The following ASB14 variants were observed in gnomAD, a reference collection of about 807,000 sequenced individuals.
ASB14 encodes ankyrin repeat and SOCS box protein 14.
A neutral mutation model predicts 55.6 loss-of-function variants in ASB14; 63 were observed. That is an observed-to-expected ratio of 1.13 (90% CI 0.92 to 1.40). The LOEUF (loss-of-function observed/expected upper bound fraction) is 1.40. ASB14 is among the 40% of genes most tolerant of loss of function. ASB14 has a pLI of 0.00. For missense variants in ASB14, 724 were observed against 710.4 expected (o/e 1.02, Z -0.22); for synonymous variants, 256 against 259.9 (o/e 0.98, Z 0.15).
At chr3:57,283,043 T>TA in intron 6 of ASB14, 151 bp downstream of exon 6, 6 of 1,132,860 alleles carry the variant, frequency 5.3e-6, no homozygotes, top group Non-Finnish European at 7.3e-6. Context: ...ATGTTAGGCT[T>TA]CTCAGTAATC....
intron 10 of ASB14, chr3:57,272,975 C>A (rs1393927386): frequency 6.6e-6 from 1 of 152,568 alleles, no homozygotes; most frequent in Non-Finnish European, 1.5e-5. Flanking sequence ...TTAAACACAC[C>A]AATTGTAGAA....
intron 3 of ASB14, 106 bp downstream of exon 3, chr3:57,288,962 C>T: frequency 1.2e-6 from 1 of 820,848 alleles, no homozygotes; most frequent in Non-Finnish European, 1.9e-6. Flanking sequence ...AGGCGATCCA[C>T]CCACCTTGGC....
In ASB14 at chr3:57,288,229, T is replaced by C. The variant is rs1474752339; in HGVS notation, c.236A>G (p.Asp79Gly). 2.0e-6 allele frequency: 3 copies of C among 1,536,960 alleles called. No homozygotes were observed. In the East Asian group the frequency reaches 7.3e-5, roughly 38 times the overall value. The change falls in exon 4 of 11, where the codon GAT becomes GGT. Residue 79 changes from aspartate to glycine, a missense_variant. Physicochemically the swap from Asp to Gly is moderately conservative, Grantham distance 94. Coordinates refer to ENST00000487349, the MANE Select transcript of ASB14 (RefSeq NM_001142733.3). ...ATGCAGAGGAATCCAGCCTATCTCA[T>C]CTGCTTCACCAAATGCGGAATGGTA... ...TKYHSAFGEA[D>G]EIGWIPLHKA...
Position 57,268,500 on chromosome 3 carries a change from A to G in ASB14, c.*1141T>C, listed in dbSNP as rs200168280. On this transcript the variant is annotated 3_prime_UTR_variant, in exon 11 of 11. Coordinates refer to ENST00000487349, the MANE Select transcript of ASB14 (RefSeq NM_001142733.3). ...ACAGATTGAAAAGGTATACAGTCCT[A>G]ATGTCTGGATCTTTATGTGTTGTTT... 1.5e-5 allele frequency: 23 copies of G among 1,580,372 alleles called. No homozygotes were observed. In the South Asian group the frequency reaches 2.7e-4, roughly 19 times the overall value.
Position 57,283,352 on chromosome 3 carries a change from G to A in ASB14, c.557C>T (p.Ala186Val). 1.9e-6 allele frequency: 3 copies of A among 1,551,756 alleles called. No individual in the cohort carries two copies. Among genetic ancestry groups the A allele is most frequent in the Non-Finnish European group, 1.7e-6 (2 of 1,146,980 alleles). ...GCCCAGTTTGGCTGCTTCGTGGAGA[G>A]CTGTCCTCTCGTTGGCACAACGCAG... ...VNLRCANERT[A>V]LHEAAKLGRE... The change falls in exon 6 of 11, where the codon GCT becomes GTT. Residue 186 changes from alanine (A) to valine (V), a missense_variant. Physicochemically the swap from Ala to Val is moderately conservative, Grantham distance 64 (BLOSUM62 0). Transcript: ENST00000487349.
rs766927954 is a variant in ASB14, at chr3:57,278,680, C to T, written c.1128G>A (p.Leu376=). 6.2e-7 allele frequency: 1 copy of T among 1,614,056 alleles called. No homozygotes were observed. Among genetic ancestry groups the T allele is most frequent in the African/African-American group, 1.3e-5 (1 of 74,930 alleles). The change falls in exon 8 of 11, where the codon CTG becomes CTA. Residue 376 remains leucine, a synonymous_variant. Coordinates refer to ENST00000487349, the MANE Select transcript of ASB14 (RefSeq NM_001142733.3). ...CTTGATTAGGCAGAGCTCCAGCACT[C>T]AGAAGCAGCTTGACTGAAGAGAGGT... is the stretch of plus-strand genomic sequence containing the variant. The part of the protein sequence containing the change: ...NSDLSSVKLL[L]SAGALPNQDP...
Position 57,289,142 on chromosome 3 carries a change from A to T in ASB14, c.123-19T>A. On this transcript the variant is annotated intron_variant, in intron 2 of 10. Coordinates refer to ENST00000487349, the MANE Select transcript of ASB14 (RefSeq NM_001142733.3). ...ATGCAAACTGCAAAGAAAAAAATAC[A>T]TATGTAATTCCAAAACTGAGGAGAA... 1 of 1,486,008 alleles carries T rather than the reference A, an allele frequency of 6.7e-7. No homozygotes were observed. The highest frequency in any genetic ancestry group is 9.1e-7 in the Non-Finnish European group (1 of 1,100,654). The allele number at this position is 1,486,008 out of a possible 1,614,324, so 92.1% of individuals were successfully genotyped here.
chr3:57,288,379 A>G (rs532923128), intron 3 of ASB14, 93 bp from the exon 4 acceptor site: 14 of 1,306,504 alleles, frequency 1.1e-5, no homozygotes, highest in East Asian at 2.5e-5. Context: ...AAGTTAATGC[A>G]TAAGACAACA....
intron 2 of ASB14, among the ~76,000 whole-genome samples, chr3:57,290,382 C>T (rs532223589): frequency 2.5e-4 from 38 of 152,184 alleles, no homozygotes; most frequent in African/African-American, 8.9e-4. Context: ...CCCAAGTTGT[C>T]TCTCCTGGCT....
chr3:57,286,577 C>T (rs977896890), intron 5 of ASB14, among the ~76,000 whole-genome samples: 2 of 152,122 alleles, frequency 1.3e-5, no homozygotes, highest in Non-Finnish European at 2.9e-5. Context: ...CAAATGTGTA[C>T]GAGGAGCCTT....
chr3:57,287,973 C>T lies in ASB14; in HGVS notation c.397G>A (p.Ala133Thr). The change falls in exon 5 of 11, where the codon GCC becomes ACC. Residue 133 changes from alanine to threonine, a missense_variant. Transcript: ENST00000487349. ...CAGCCATTGAGAAGAAGAAAAGTGG[C>T]ATTTTCTAAGAGGCAACTGCTGACA... is the stretch of plus-strand genomic sequence containing the variant. Reference protein sequence around the residue: ...LAVSSCLLENATFLLLNGCNP... With the variant: ...LAVSSCLLENTTFLLLNGCNP... The T allele has an allele frequency of 1.3e-6, 2 of 1,537,284 alleles. No homozygotes were observed. The highest frequency in any genetic ancestry group is 1.7e-6 in the Non-Finnish European group (2 of 1,146,906).
In ASB14 at chr3:57,288,131, CAAGAAGAATCAAAG is replaced by C. The variant is rs1437888930; in HGVS notation, c.310+10_310+23del. 1 of 1,536,304 alleles carries C rather than the reference CAAGAAGAATCAAAG, an allele frequency of 6.5e-7. No individual in the cohort carries two copies. The highest frequency in any genetic ancestry group is 1.2e-5 in the South Asian group (1 of 83,978). On this transcript the variant is annotated intron_variant, in intron 4 of 10. Coordinates refer to ENST00000487349, the MANE Select transcript of ASB14 (RefSeq NM_001142733.3). Reference sequence around the variant, plus strand: ...TGTTAAATTTATCTCTCAGAAGCATCAAGAAGAATCAAAGGGAATTTACCGCTTAGGGTTATTTC... The same window carrying C: ...TGTTAAATTTATCTCTCAGAAGCATCGGAATTTACCGCTTAGGGTTATTTC...
rs1350963254 is a variant in ASB14 at position 57,269,496 on chromosome 3, G to A, written c.*145C>T. 1 of 1,604,406 alleles carries A rather than the reference G, an allele frequency of 6.2e-7. No individual in the cohort carries two copies. Among genetic ancestry groups the A allele is most frequent in the East Asian group, 2.2e-5 (1 of 44,684 alleles). On this transcript the variant is annotated 3_prime_UTR_variant, in exon 11 of 11. Transcript: ENST00000487349. Reference sequence around the variant, plus strand: ...ATCTTAACTGCATAATTTGCCATTTGACTGCAGACAAGTAACTTAGTTTCT... The same window carrying A: ...ATCTTAACTGCATAATTTGCCATTTAACTGCAGACAAGTAACTTAGTTTCT...
At chr3:57,287,477 ACT>A (rs2061089554) in intron 5 of ASB14, among the ~76,000 whole-genome samples, 3 of 151,720 alleles carry the variant, frequency 2.0e-5, no homozygotes, top group African/African-American at 4.8e-5. Flanking sequence ...TGGTCCAGAG[ACT>A]CTCTGTTTAA....
At chr3:57,270,910 A>G (rs1354073972) in intron 10 of ASB14, 3 of 152,208 alleles carry the variant, frequency 2.0e-5, no homozygotes, top group African/African-American at 7.2e-5. Flanking sequence ...CAAGGTTAAA[A>G]TAACATTTCT....
intron 10 of ASB14, among the ~76,000 whole-genome samples, chr3:57,273,690 G>T (rs549200329): frequency 2.6e-5 from 4 of 152,188 alleles, no homozygotes; most frequent in African/African-American, 9.6e-5. Flanking sequence ...AAAGGAAAAA[G>T]ACTTCATTAA....
chr3:57,292,223 G>A, intron 1 of ASB14, 119 bp from the exon 2 acceptor site: 1 of 690,544 alleles, frequency 1.4e-6, no homozygotes, highest in East Asian at 4.0e-5. Context: ...ACTTAAAAAA[G>A]TTTTGTGGAC....
chr3:57,292,127 T>C (rs1426896741), intron 1 of ASB14, 23 bp from the exon 2 acceptor site: 1 of 1,217,856 alleles, frequency 8.2e-7, no homozygotes, highest in Non-Finnish European at 1.1e-6. Context: ...ACAAATGAAA[T>C]TCAGAAATCT....
At chr3:57,285,107 AT>A (rs2061071539) in intron 5 of ASB14, among the ~76,000 whole-genome samples, 1 of 151,746 alleles carries the variant, frequency 6.6e-6, no homozygotes, top group Admixed American at 6.6e-5. Context: ...AGCTCTGCTA[AT>A]TTTTGTATTT....
Sources: gnomAD v4.1 joint callset for allele counts (sites outside exome capture counted in the v4.1 genomes callset) on GRCh38, gnomAD v4.1.1 for gene constraint, MANE v1.5 for transcripts, NCBI Gene and HGNC (gene_info 2026-07-23, HGNC 2026-07-21) for gene names.